Variants in ARL6IP5 observed in about 807,000 individuals in gnomAD.
ARL6IP5 encodes ARF like GTPase 6 interacting protein 5, also known as PRA1 family protein 3.
A neutral mutation model predicts 13.0 loss-of-function variants in ARL6IP5; 6 were observed. The observed-to-expected ratio is 0.46, with a 90% CI of 0.25 to 0.91. The LOEUF is 0.91. Ranked by LOEUF, ARL6IP5 falls within the 40% of genes least tolerant of loss-of-function variation. ARL6IP5 has a pLI of 0.17. For missense variants in ARL6IP5, 208 were observed against 248.8 expected (o/e 0.84, Z 1.10); for synonymous variants, 91 against 91.9 (o/e 0.99, Z 0.06).
At position 69,101,957 on chromosome 3, in the gene ARL6IP5, ACGACGTT is replaced by A. The variant is rs768820994; in HGVS notation, c.298_304del (p.Thr100LeufsTer31). Reference sequence around the variant, plus strand: ...TCGCCGGATGAAGAAGCGCTACCCCACGACGTTCGTTATGGTGGTCATGTTGGCGAGC... The same window carrying A: ...TCGCCGGATGAAGAAGCGCTACCCCACGTTATGGTGGTCATGTTGGCGAGC... On this transcript the variant is annotated frameshift_variant, in exon 2 of 3. Transcript: ENST00000273258. LOFTEE classifies it high-confidence loss of function. 11 of 1,613,908 alleles carry A rather than the reference ACGACGTT, an allele frequency of 6.8e-6. No homozygotes were observed. The highest frequency in any genetic ancestry group is 9.3e-6 in the Non-Finnish European group (11 of 1,180,012).
Position 69,104,884 on chromosome 3 carries a change from G to T in ARL6IP5, c.*248G>T, listed in dbSNP as rs2092317911. 2.8e-6 allele frequency: 2 copies of T among 702,368 alleles called. No homozygotes were observed. Among genetic ancestry groups the T allele is most frequent in the Non-Finnish European group, 5.2e-6 (2 of 385,302 alleles). 43.5% of individuals were successfully genotyped at this position (702,368 alleles called of 1,614,324 possible). ...TCACGTGTGTTTATGAAATCTAATG[G>T]GAAATGGATCACACGATTTCTTTAA... On this transcript the variant is annotated 3_prime_UTR_variant, in exon 3 of 3. Transcript: ENST00000273258.
intron 1 of ARL6IP5, among the ~76,000 whole-genome samples, chr3:69,101,484 G>A: frequency 6.6e-6 from 1 of 151,696 alleles, no homozygotes; most frequent in Admixed American, 6.6e-5. Flanking sequence ...CACCACACCT[G>A]GCTAATTTTC....
Position 69,102,000 on chromosome 3 carries a change from T to G in ARL6IP5, c.338T>G (p.Ile113Ser). 1 of 1,614,116 alleles carries G rather than the reference T, an allele frequency of 6.2e-7. No individual in the cohort carries two copies. The highest frequency in any genetic ancestry group is 8.5e-7 in the Non-Finnish European group (1 of 1,180,018). ...GTCATGTTGGCGAGCTATTTCCTTA[T>G]CTCCATGTTTGGAGGAGTCATGGTC... is the stretch of plus-strand genomic sequence containing the variant. ...MVVMLASYFL[I>S]SMFGGVMVFV... The change falls in exon 2 of 3, where the codon ATC becomes AGC. Residue 113 changes from isoleucine to serine, a missense_variant. Ile to Ser is a moderately radical substitution (Grantham distance 142). Coordinates refer to ENST00000273258, the MANE Select transcript of ARL6IP5 (RefSeq NM_006407.4).
chr3:69,098,960 C>T (rs2092295863), intron 1 of ARL6IP5, among the ~76,000 whole-genome samples: 1 of 152,002 alleles, frequency 6.6e-6, no homozygotes, highest in African/African-American at 2.4e-5. Context: ...TGTTTAATTC[C>T]TTAGACTATA....
chr3:69,094,140 T>C (rs1327525546), intron 1 of ARL6IP5, among the ~76,000 whole-genome samples: 1 of 151,802 alleles, frequency 6.6e-6, no homozygotes, highest in African/African-American at 2.4e-5. Context: ...AAACCCTGAG[T>C]GGATGGGGGT....
At chr3:69,089,020 C>T (rs1018589571) in intron 1 of ARL6IP5, among the ~76,000 whole-genome samples, 2 of 152,190 alleles carry the variant, frequency 1.3e-5, no homozygotes, top group African/African-American at 2.4e-5. Flanking sequence ...CAGCATCTTT[C>T]GCCTGAGAGC....
In ARL6IP5 at chr3:69,101,999, A is replaced by G; in HGVS notation, c.337A>G (p.Ile113Val). The change falls in exon 2 of 3, where the codon ATC becomes GTC. Residue 113 changes from isoleucine to valine, a missense_variant. Ile to Val is a conservative substitution (Grantham distance 29). Transcript: ENST00000273258. ...GGTCATGTTGGCGAGCTATTTCCTT[A>G]TCTCCATGTTTGGAGGAGTCATGGT... ...MVVMLASYFL[I>V]SMFGGVMVFV... 9 of 1,614,084 alleles carry G rather than the reference A, an allele frequency of 5.6e-6. No homozygotes were observed. The highest frequency in any genetic ancestry group is 7.6e-6 in the Non-Finnish European group (9 of 1,180,006).
chr3:69,087,432 C>G (rs1030500672), intron 1 of ARL6IP5, among the ~76,000 whole-genome samples: 1 of 151,412 alleles, frequency 6.6e-6, no homozygotes, highest in African/African-American at 2.4e-5. Context: ...GAGGTATTTT[C>G]TTGAGGTAAC....
chr3:69,093,464 C>T (rs759692401), intron 1 of ARL6IP5, among the ~76,000 whole-genome samples: 2 of 152,108 alleles, frequency 1.3e-5, no homozygotes, highest in Non-Finnish European at 2.9e-5. Flanking sequence ...TTACTCAAGA[C>T]GAATTTGTGT....
At chr3:69,087,474 A>G (rs1015312886) in intron 1 of ARL6IP5, among the ~76,000 whole-genome samples, 4 of 152,030 alleles carry the variant, frequency 2.6e-5, no homozygotes, top group African/African-American at 9.7e-5. Context: ...ACACAGACCA[A>G]TAATTAAAAA....
Position 69,105,078 on chromosome 3 carries a change from G to A in ARL6IP5, c.*442G>A, listed in dbSNP as rs1043557972. ...GTTCCTAATCCCCTAGAATTGTAAT[G>A]TGTGGGATATAAATTAGTTTTTATT... is the stretch of plus-strand genomic sequence containing the variant. On this transcript the variant is annotated 3_prime_UTR_variant, in exon 3 of 3. Transcript: ENST00000273258. The A allele has an allele frequency of 1.8e-6, 1 of 548,926 alleles. No homozygotes were observed. Among genetic ancestry groups the A allele is most frequent in the South Asian group, 2.5e-5 (1 of 40,150 alleles). The allele number at this position is 548,926 out of a possible 1,614,324, so 34.0% of individuals were successfully genotyped here.
intron 1 of ARL6IP5, among the ~76,000 whole-genome samples, chr3:69,093,905 G>A (rs2092278474): frequency 6.6e-6 from 1 of 152,218 alleles, no homozygotes; most frequent in African/African-American, 2.4e-5. Context: ...AGTGAGCTAT[G>A]ACCATGCCAT....
chr3:69,092,899 A>C (rs2092273700), intron 1 of ARL6IP5, among the ~76,000 whole-genome samples: 1 of 151,920 alleles, frequency 6.6e-6, no homozygotes, highest in Non-Finnish European at 1.5e-5. Context: ...TCTGTTCCCC[A>C]AAAAGTATTG....
chr3:69,085,290 A>T, intron 1 of ARL6IP5, 67 bp downstream of exon 1: 1 of 1,538,038 alleles, frequency 6.5e-7, no homozygotes, highest in Non-Finnish European at 8.8e-7. Flanking sequence ...GGGGTGCAAG[A>T]TCCCGGGATG....
chr3:69,093,783 A>C (rs1254788637), intron 1 of ARL6IP5, among the ~76,000 whole-genome samples: 4 of 151,404 alleles, frequency 2.6e-5, no homozygotes, highest in African/African-American at 9.7e-5. Context: ...AAAAGAAAAG[A>C]AAAGAAAAAA....
rs767055034 is a variant in ARL6IP5 at position 69,085,053 on chromosome 3, C to A, written c.6C>A (p.Asp2Glu). The A allele has an allele frequency of 6.2e-7, 1 of 1,613,378 alleles. No homozygotes were observed. Among genetic ancestry groups the A allele is most frequent in the East Asian group, 2.2e-5 (1 of 44,894 alleles). Reference protein sequence around the residue: MDVNIAPLRAWD... With the variant: MEVNIAPLRAWD... ...AAGAACGCAAAGCTGAGAACATGGA[C>A]GTTAATATCGCCCCACTCCGCGCCT... Residue 2 changes from aspartate to glutamate, a missense_variant, in exon 1 of 3, where the codon GAC becomes GAA. By Grantham distance (45) the Asp-to-Glu change is conservative (BLOSUM62 2). Coordinates refer to ENST00000273258, the MANE Select transcript of ARL6IP5 (RefSeq NM_006407.4).
intron 1 of ARL6IP5, among the ~76,000 whole-genome samples, chr3:69,093,621 G>C (rs532887691): frequency 6.6e-6 from 1 of 152,044 alleles, no homozygotes; most frequent in African/African-American, 2.4e-5. Flanking sequence ...AAATTAGCTG[G>C]GTGTGGTGGC....
chr3:69,090,437 C>T (rs1032478224), intron 1 of ARL6IP5, among the ~76,000 whole-genome samples: 9 of 152,264 alleles, frequency 5.9e-5, no homozygotes, highest in African/African-American at 2.2e-4. Flanking sequence ...GCAGCAAGAC[C>T]ACACTGAACA....
chr3:69,101,916 A>G lies in ARL6IP5; in HGVS notation c.254A>G (p.His85Arg). Residue 85 changes from histidine to arginine, a missense_variant, in exon 2 of 3, where the codon CAC becomes CGC. By Grantham distance (29) the His-to-Arg change is conservative (BLOSUM62 0). Transcript: ENST00000273258. ...TTCACAGGGTTTGTGTGGGCAGCCC[A>G]CAATAAAGACGTCCTTCGCCGGATG... ...LVFTGFVWAAHNKDVLRRMKK... is the reference protein window; with the variant it reads ...LVFTGFVWAARNKDVLRRMKK... 1 of 1,614,112 alleles carries G rather than the reference A, an allele frequency of 6.2e-7. No homozygotes were observed. Among genetic ancestry groups the G allele is most frequent in the African/African-American group, 1.3e-5 (1 of 75,016 alleles).
Sources: gnomAD v4.1 joint callset for allele counts (sites outside exome capture counted in the v4.1 genomes callset) on GRCh38, gnomAD v4.1.1 for gene constraint, MANE v1.5 for transcripts, NCBI Gene and HGNC (gene_info 2026-07-23, HGNC 2026-07-21) for gene names.